Variants in P2RX5 observed in about 807,000 individuals in gnomAD.
P2RX5 encodes P2X purinoceptor 5.
In P2RX5, 46 loss-of-function variants were observed where a neutral mutation model predicts 54.1. The observed-to-expected ratio is 0.85, with a 90% CI of 0.67 to 1.09. The LOEUF (loss-of-function observed/expected upper bound fraction) is 1.09, where lower values mean the gene tolerates loss of function less well. Ranked by LOEUF, P2RX5 falls within the 50% of genes least tolerant of loss-of-function variation. The pLI is 0.00. For synonymous variants in P2RX5, 226 were observed against 226.4 expected, an observed-to-expected ratio of 1.00 and a Z score of 0.02; for missense variants, 566 against 549.8, an observed-to-expected ratio of 1.03 and a Z score of -0.29.
At chr17:3,706,649 C>T in the P2RX5 span, among the ~76,000 whole-genome samples, 4 of 152,110 alleles carry the variant, frequency 2.6e-5, no homozygotes, top group African/African-American at 7.2e-5. Context: ...TCAGAGCCTT[C>T]GGGGGTCGGA....
At position 3,688,066 on chromosome 17, in the gene P2RX5, G is replaced by A; in HGVS notation, c.927C>T (p.Phe309=). ...RYYRDAAGVE[F]RTLMKAYGIR... ...TCCCGTAGGCTTTCATCAGGGTGCG[G>A]AACTCCACCCCGGCTGCGTCTCGGT... The change falls in exon 9 of 12, where the codon TTC becomes TTT. Residue 309 remains phenylalanine, a synonymous_variant. Coordinates refer to ENST00000225328, the MANE Select transcript of P2RX5 (RefSeq NM_002561.4). The A allele has an allele frequency of 6.2e-7, 1 of 1,606,782 alleles. No individual in the cohort carries two copies. Among genetic ancestry groups the A allele is most frequent in the Non-Finnish European group, 8.5e-7 (1 of 1,176,720 alleles).
At chr17:3,698,938 G>A (rs768928696), upstream of P2RX5, among the ~76,000 whole-genome samples, 1 of 152,020 alleles carries the variant, frequency 6.6e-6, no homozygotes, top group Non-Finnish European at 1.5e-5. Context: ...GGGCACAGGC[G>A]CTCATGCCTG....
intron 11 of P2RX5, chr17:3,677,851 C>T (rs2050139301): frequency 1.0e-6 from 1 of 985,294 alleles, no homozygotes; most frequent in Admixed American, 6.1e-5. Flanking sequence ...TCCCTGGACA[C>T]CTGCTCCAGG....
At chr17:3,690,210 G>A in intron 5 of P2RX5, 60 bp from the exon 6 acceptor site, 2 of 1,488,858 alleles carry the variant, frequency 1.3e-6, no homozygotes, top group South Asian at 2.3e-5. Context: ...CCTCCCCCAG[G>A]CCTGGGCCAG....
chr17:3,683,793 G>T (rs1161929506), intron 9 of P2RX5, among the ~76,000 whole-genome samples: 1 of 151,998 alleles, frequency 6.6e-6, no homozygotes, highest in East Asian at 1.9e-4. Flanking sequence ...AAAGTAACAG[G>T]CGCAAACATC....
At chr17:3,711,419 G>A in the P2RX5 span, among the ~76,000 whole-genome samples, 745 of 99,004 alleles carry the variant, frequency 7.5e-3, 3 homozygotes, top group Middle Eastern at 0.054. Context: ...GTCTCGCTCT[G>A]TCACCCAGGC....
At chr17:3,675,558 C>CCT in intron 11 of P2RX5, 3 of 803,684 alleles carry the variant, frequency 3.7e-6, no homozygotes, top group Non-Finnish European at 4.5e-6. Flanking sequence ...TCTTCACTTT[C>CCT]TTTTTTTTTT....
chr17:3,723,277 G>A, the P2RX5 span: 1 of 1,577,520 alleles, frequency 6.3e-7, no homozygotes, highest in Admixed American at 1.7e-5. Flanking sequence ...GAGCATTTCA[G>A]TCTCAAACAC....
chr17:3,688,224 C>A (rs564028699), intron 8 of P2RX5, 119 bp from the exon 9 acceptor site: 1 of 703,960 alleles, frequency 1.4e-6, no homozygotes, highest in Non-Finnish European at 2.6e-6. Context: ...TCTCAGCAGC[C>A]CCAGGAGTGG....
chr17:3,681,087 T>C (rs1409599006), intron 10 of P2RX5, among the ~76,000 whole-genome samples: 3 of 151,640 alleles, frequency 2.0e-5, no homozygotes, highest in Non-Finnish European at 4.4e-5. Flanking sequence ...TCCACCCGGC[T>C]TCCTCTACCC....
At chr17:3,712,188 C>G in the P2RX5 span, among the ~76,000 whole-genome samples, 1 of 152,110 alleles carries the variant, frequency 6.6e-6, no homozygotes, top group African/African-American at 2.4e-5. Flanking sequence ...TGAAACAACC[C>G]AAGAGTTACA....
chr17:3,688,144 T>C, intron 8 of P2RX5, 39 bp from the exon 9 acceptor site: 1 of 1,124,416 alleles, frequency 8.9e-7, no homozygotes, highest in Non-Finnish European at 1.3e-6. Context: ...TCAGCCTGCC[T>C]GGCCTTCCCT....
chr17:3,690,210 G>T, intron 5 of P2RX5, 60 bp from the exon 6 acceptor site: 1 of 1,488,854 alleles, frequency 6.7e-7, no homozygotes, highest in South Asian at 1.1e-5. Context: ...CCTCCCCCAG[G>T]CCTGGGCCAG....
chr17:3,680,765 A>ACCCAGCG (rs2050249663), intron 10 of P2RX5, among the ~76,000 whole-genome samples: 1 of 40,596 alleles, frequency 2.5e-5, no homozygotes. Flanking sequence ...TCCACCCTGC[A>ACCCAGCG]TCCTCCACCC....
At chr17:3,684,446 A>G (rs1177646763) in intron 9 of P2RX5, among the ~76,000 whole-genome samples, 1 of 152,230 alleles carries the variant, frequency 6.6e-6, no homozygotes, top group Non-Finnish European at 1.5e-5. Context: ...TCTACAAAAA[A>G]TTTAAAAATT....
intron 1 of P2RX5, among the ~76,000 whole-genome samples, chr17:3,695,146 C>T (rs1333650056): frequency 8.5e-5 from 13 of 152,220 alleles, no homozygotes; most frequent in Admixed American, 5.9e-4. Flanking sequence ...TCCAGCGCTG[C>T]TTCTCCCCTC....
the P2RX5 span, chr17:3,723,420 CGTGCGGAAAGTCTGAAATCTTT>C: frequency 6.9e-7 from 1 of 1,455,670 alleles, no homozygotes; most frequent in East Asian, 2.3e-5. Flanking sequence ...AATTCCTTTC[CGTGCGGAAAGTCTGAAATCTTT>C]TTAACACTTC....
At chr17:3,722,284 C>G in the P2RX5 span, 9 of 152,034 alleles carry the variant, frequency 5.9e-5, no homozygotes, top group Non-Finnish European at 1.3e-4. Context: ...AGTTCGAGAC[C>G]AGCCTGGCCA....
the P2RX5 span, among the ~76,000 whole-genome samples, chr17:3,714,417 G>A: frequency 6.2e-5 from 9 of 145,758 alleles, no homozygotes; most frequent in African/African-American, 2.5e-4. Flanking sequence ...TAGTAGAGAT[G>A]GGGTTTCACC....
Sources: gnomAD v4.1 joint callset for allele counts (sites outside exome capture counted in the v4.1 genomes callset) on GRCh38, gnomAD v4.1.1 for gene constraint, MANE v1.5 for transcripts, NCBI Gene and HGNC (gene_info 2026-07-23, HGNC 2026-07-21) for gene names.